WDPCP: variants seen among roughly 807,000 people sequenced by gnomAD.
WDPCP encodes WD repeat-containing and planar cell polarity effector protein fritz homolog.
A neutral mutation model predicts 93.1 loss-of-function variants in WDPCP; 71 were observed. The ratio of observed to expected loss-of-function variants is 0.76; its 90% CI spans 0.63 to 0.93. WDPCP has a LOEUF of 0.93. Ranked by LOEUF, WDPCP falls within the 40% of genes least tolerant of loss-of-function variation. The pLI, the probability that WDPCP is intolerant of heterozygous loss-of-function variation, is 0.00. For synonymous variants in WDPCP, 315 were observed against 315.0 expected, an observed-to-expected ratio of 1.00 and a Z score of 0.00; for missense variants, 844 against 887.4, an observed-to-expected ratio of 0.95 and a Z score of 0.62.
intron 1 of WDPCP, among the ~76,000 whole-genome samples, chr2:63,500,845 T>C (rs1464198422): frequency 6.6e-6 from 1 of 152,228 alleles, no homozygotes; most frequent in Non-Finnish European, 1.5e-5. Flanking sequence ...TTGTCTATAA[T>C]ACTAAAAATG....
At chr2:63,231,206 A>G (rs1678844126) in intron 14 of WDPCP, among the ~76,000 whole-genome samples, 1 of 152,182 alleles carries the variant, frequency 6.6e-6, no homozygotes, top group Admixed American at 6.6e-5. Flanking sequence ...ATTTATGACA[A>G]ACCCACAGCC....
intron 1 of WDPCP, among the ~76,000 whole-genome samples, chr2:63,815,622 A>G (rs1670921985): frequency 2.0e-5 from 3 of 152,204 alleles, no homozygotes; most frequent in African/African-American, 7.2e-5. Context: ...ACAGCTGGAG[A>G]GTCTCCACAC....
intron 2 of WDPCP, among the ~76,000 whole-genome samples, chr2:63,702,168 G>A (rs1452968922): frequency 2.0e-5 from 3 of 152,066 alleles, no homozygotes; most frequent in African/African-American, 7.2e-5. Flanking sequence ...TGGGATTATA[G>A]ACGCATGCCA....
At chr2:63,794,160 G>A (rs1670581438) in intron 2 of WDPCP, among the ~76,000 whole-genome samples, 1 of 152,096 alleles carries the variant, frequency 6.6e-6, no homozygotes, top group Admixed American at 6.5e-5. Context: ...TTTCATGTTT[G>A]TACTTTGCCA....
chr2:63,640,726 A>C (rs1709972409), intron 3 of WDPCP, among the ~76,000 whole-genome samples: 2 of 152,178 alleles, frequency 1.3e-5, no homozygotes, highest in Non-Finnish European at 2.9e-5. Context: ...GGAATATGAG[A>C]TGTTTTGATA....
At chr2:63,812,565 C>A (rs897203899) in intron 2 of WDPCP, among the ~76,000 whole-genome samples, 9 of 152,316 alleles carry the variant, frequency 5.9e-5, no homozygotes, top group Admixed American at 5.9e-4. Context: ...CACAGCCTCA[C>A]CAACATCTGT....
chr2:63,442,324 C>CA (rs906671400), intron 6 of WDPCP: 3 of 152,068 alleles, frequency 2.0e-5, no homozygotes, highest in Non-Finnish European at 4.4e-5. Flanking sequence ...TAACTTTTTA[C>CA]AAAAAACATT....
intron 13 of WDPCP, among the ~76,000 whole-genome samples, chr2:63,308,056 A>T (rs981362828): frequency 6.6e-6 from 1 of 152,194 alleles, no homozygotes; most frequent in Non-Finnish European, 1.5e-5. Flanking sequence ...AAGAAAACAA[A>T]CAAACAACCC....
At chr2:63,692,700 T>C (rs1426063912) in intron 2 of WDPCP, among the ~76,000 whole-genome samples, 1 of 152,190 alleles carries the variant, frequency 6.6e-6, no homozygotes, top group Non-Finnish European at 1.5e-5. Context: ...ACAAATTAAG[T>C]AATATAGAAT....
At chr2:63,723,275 T>G (rs994153386) in intron 2 of WDPCP, among the ~76,000 whole-genome samples, 1 of 145,642 alleles carries the variant, frequency 6.9e-6, no homozygotes, top group Non-Finnish European at 1.5e-5. Flanking sequence ...ACCCAAGAAT[T>G]ATCAATAAAA....
chr2:63,480,109 T>C (rs890620188), intron 6 of WDPCP, among the ~76,000 whole-genome samples: 3 of 151,854 alleles, frequency 2.0e-5, no homozygotes. Context: ...AAGCTGAGAA[T>C]AAAATCAAGA....
chr2:63,588,486 C>T, upstream of WDPCP: 1 of 649,242 alleles, frequency 1.5e-6, no homozygotes, highest in Non-Finnish European at 2.8e-6. Flanking sequence ...TCAATTCCCC[C>T]GCCCCTCCAG....
chr2:63,242,619 C>T (rs1286869570), intron 14 of WDPCP, among the ~76,000 whole-genome samples: 2 of 152,106 alleles, frequency 1.3e-5, no homozygotes, highest in African/African-American at 4.8e-5. Context: ...GAGACATTGT[C>T]TCTAAAAAAT....
intron 9 of WDPCP, among the ~76,000 whole-genome samples, chr2:63,419,844 T>G (rs1371847364): frequency 1.3e-5 from 2 of 152,190 alleles, no homozygotes; most frequent in Non-Finnish European, 2.9e-5. Context: ...CTTTCACCAG[T>G]AAGTGCCAGT....
intron 2 of WDPCP, among the ~76,000 whole-genome samples, chr2:63,808,806 G>C (rs896226628): frequency 2.0e-5 from 3 of 149,176 alleles, no homozygotes; most frequent in Non-Finnish European, 3.0e-5. Context: ...GCCGCCCATC[G>C]TCTGGGACAT....
chr2:63,602,122 C>A (rs1281522373), intron 3 of WDPCP, among the ~76,000 whole-genome samples: 1 of 152,132 alleles, frequency 6.6e-6, no homozygotes, highest in Admixed American at 6.5e-5. Context: ...TTAGATCGGT[C>A]AAAAGTGATT....
intron 15 of WDPCP, among the ~76,000 whole-genome samples, chr2:63,164,275 CTG>C (rs1310050623): frequency 6.6e-6 from 1 of 152,128 alleles, no homozygotes; most frequent in Non-Finnish European, 1.5e-5. Flanking sequence ...TGGTTTAGAT[CTG>C]TGTCCTCACC....
At chr2:63,830,593 T>A (rs1002645764), upstream of WDPCP, among the ~76,000 whole-genome samples, 1 of 152,148 alleles carries the variant, frequency 6.6e-6, no homozygotes, top group African/African-American at 2.4e-5. Context: ...AATCTTCCTA[T>A]CACTCTACTG....
At chr2:63,189,050 CTTCT>C (rs1674846733) in intron 14 of WDPCP, among the ~76,000 whole-genome samples, 1 of 152,124 alleles carries the variant, frequency 6.6e-6, no homozygotes, top group South Asian at 2.1e-4. Flanking sequence ...TATCTGGGTG[CTTCT>C]GACTGTCTTC....
Sources: gnomAD v4.1 joint callset for allele counts (sites outside exome capture counted in the v4.1 genomes callset) on GRCh38, gnomAD v4.1.1 for gene constraint, MANE v1.5 for transcripts, NCBI Gene and HGNC (gene_info 2026-07-23, HGNC 2026-07-21) for gene names.